HTRA1: variants seen among roughly 807,000 people sequenced by gnomAD.
HTRA1 encodes serine protease HTRA1.
Under a neutral mutation model 49.7 loss-of-function variants are expected in HTRA1, and 26 were observed. That is an observed-to-expected ratio of 0.52 (90% CI 0.38 to 0.73). The LOEUF (loss-of-function observed/expected upper bound fraction) is 0.73. Among genes scored for constraint, HTRA1 ranks in the 30% least tolerant of loss-of-function variants. HTRA1 has a pLI of 0.00. For missense variants in HTRA1, 561 were observed against 667.2 expected (o/e 0.84, Z 1.75); for synonymous variants, 291 against 286.9 (o/e 1.01, Z -0.14).
At chr10:122,511,096 C>T (rs1379144672) in intron 7 of HTRA1, among the ~76,000 whole-genome samples, 1 of 152,110 alleles carries the variant, frequency 6.6e-6, no homozygotes, top group Non-Finnish European at 1.5e-5. Flanking sequence ...TCAGTTTCCT[C>T]CTCTTCAGGA....
intron 3 of HTRA1, among the ~76,000 whole-genome samples, chr10:122,503,368 CTGA>C (rs1387570258): frequency 2.0e-5 from 3 of 152,252 alleles, no homozygotes; most frequent in Non-Finnish European, 4.4e-5. Context: ...AGGCTCACGG[CTGA>C]GAACAGGCCC....
intron 7 of HTRA1, among the ~76,000 whole-genome samples, chr10:122,511,097 C>T (rs1042959033): frequency 2.6e-5 from 4 of 152,162 alleles, no homozygotes; most frequent in African/African-American, 7.2e-5. Context: ...CAGTTTCCTC[C>T]TCTTCAGGAT....
intron 3 of HTRA1, among the ~76,000 whole-genome samples, chr10:122,501,857 G>T (rs2097500990): frequency 6.6e-6 from 1 of 151,908 alleles, no homozygotes; most frequent in Non-Finnish European, 1.5e-5. Context: ...TGGATGGAGG[G>T]AAGGAAGGAG....
At chr10:122,486,488 G>A (rs572696594) in intron 1 of HTRA1, among the ~76,000 whole-genome samples, 35 of 152,266 alleles carry the variant, frequency 2.3e-4, no homozygotes, top group African/African-American at 7.5e-4. Flanking sequence ...GACAGAAAAC[G>A]GCCCTTTGTT....
chr10:122,505,652 T>C (rs1317023195), intron 3 of HTRA1, among the ~76,000 whole-genome samples: 1 of 152,210 alleles, frequency 6.6e-6, no homozygotes. Flanking sequence ...ACTGGTCCCC[T>C]GGCTCTTTCT....
rs1349156934 is a variant in HTRA1 at position 122,514,688 on chromosome 10, G to A, written c.*329G>A. 8 of 364,868 alleles carry A rather than the reference G, an allele frequency of 2.2e-5. No homozygotes were observed. The highest frequency in any genetic ancestry group is 7.7e-5 in the Admixed American group (2 of 25,940). 22.6% of individuals were successfully genotyped at this position (364,868 alleles called of 1,614,324 possible). A position where few individuals can be genotyped will look rare whatever the true frequency, so the allele number is the denominator to read the frequency against. On this transcript the variant is annotated 3_prime_UTR_variant, in exon 9 of 9. Transcript: ENST00000368984. ...TCATCTTAGTCCAACTAATGCAGTC[G>A]ATACAATGCGTAGATAGAAGAAGCC...
At chr10:122,508,373 G>A (rs1341562968) in intron 5 of HTRA1, among the ~76,000 whole-genome samples, 2 of 152,256 alleles carry the variant, frequency 1.3e-5, no homozygotes, top group Admixed American at 1.3e-4. Flanking sequence ...TTGTGAAACA[G>A]GAGCAAATCA....
intron 1 of HTRA1, among the ~76,000 whole-genome samples, chr10:122,488,331 G>T (rs1228868536): frequency 1.3e-5 from 2 of 152,128 alleles, no homozygotes; most frequent in African/African-American, 4.8e-5. Context: ...ACTTTGGGAG[G>T]CCGAGGCAGG....
chr10:122,508,937 A>G (rs1271718202), intron 6 of HTRA1, among the ~76,000 whole-genome samples, 167 bp downstream of exon 6: 1 of 152,230 alleles, frequency 6.6e-6, no homozygotes, highest in Non-Finnish European at 1.5e-5. Context: ...GCAGAAGGTC[A>G]CAGACATTTC....
At chr10:122,467,980 T>C (rs2133908924) in intron 1 of HTRA1, among the ~76,000 whole-genome samples, 1 of 152,294 alleles carries the variant, frequency 6.6e-6, no homozygotes, top group South Asian at 2.1e-4. Flanking sequence ...CGAAGAGGCA[T>C]GTCCATCACT....
rs571664120 is a variant in HTRA1 at position 122,490,146 on chromosome 10, T to C, written c.777+520T>C. Among the ~76,000 whole-genome samples, 6 of 152,356 alleles carry C rather than the reference T, an allele frequency of 3.9e-5. No homozygotes were observed. The highest frequency in any genetic ancestry group is 6.5e-5 in the Admixed American group (1 of 15,304). On this transcript the variant is annotated intron_variant, in intron 3 of 8. Transcript: ENST00000368984. The surrounding 1 kb of genome is among the most constrained non-coding windows in gnomAD (Gnocchi z 4.2). ...AGAATGTTTCGTACTTTAAACATCTTGGAAAACTTGAATTAAAACAGAGCT... is the reference window on the plus strand; with the variant it reads ...AGAATGTTTCGTACTTTAAACATCTCGGAAAACTTGAATTAAAACAGAGCT...
rs546236726 is a variant in HTRA1, at chr10:122,494,065, C to G, written c.777+4439C>G. On this transcript the variant is annotated intron_variant, in intron 3 of 8. Coordinates refer to ENST00000368984, the MANE Select transcript of HTRA1 (RefSeq NM_002775.5). The surrounding 1 kb of genome is among the most constrained non-coding windows in gnomAD (Gnocchi z 4.0). ...GCTGTGTGAGGTAGCGCCCCATGCC[C>G]CAGTCCCCTCAACTCCACTGCCTCA... Among the ~76,000 whole-genome samples the G allele has an allele frequency of 3.3e-5, 5 of 152,168 alleles. No homozygotes were observed. The highest frequency in any genetic ancestry group is 1.2e-4 in the African/African-American group (5 of 41,424).
chr10:122,473,221 G>A (rs1301760614), intron 1 of HTRA1, among the ~76,000 whole-genome samples: 1 of 152,208 alleles, frequency 6.6e-6, no homozygotes, highest in African/African-American at 2.4e-5. Flanking sequence ...TCACCTGGGA[G>A]GGGCTTGGGT....
chr10:122,462,049 C>A lies in HTRA1; in HGVS notation c.397C>A (p.Arg133Ser). ...ANTYANLCQL[R>S]AASRRSERLH... The stretch of plus-strand genomic sequence containing the variant: ...CACCTACGCCAACCTGTGCCAGCTG[C>A]GCGCCGCCAGCCGCCGCTCCGAGAG... Residue 133 changes from arginine (R) to serine (S), a missense_variant, in exon 1 of 9, where the codon CGC (arginine) becomes AGC (serine). By Grantham distance (110) the Arg-to-Ser change is moderately radical. This residue lies in a region of HTRA1 where 271 missense variants were observed against 410.0 expected (regional missense o/e 0.66). Coordinates refer to ENST00000368984, the MANE Select transcript of HTRA1 (RefSeq NM_002775.5). 3 of 1,533,536 alleles carry A rather than the reference C, an allele frequency of 2.0e-6. No individual in the cohort carries two copies. The South Asian group carries it at 3.6e-5, about 18-fold the overall frequency. 95.0% of individuals were successfully genotyped at this position (1,533,536 alleles called of 1,614,324 possible).
chr10:122,493,206 A>T (rs895608882), intron 3 of HTRA1, among the ~76,000 whole-genome samples: 2 of 152,132 alleles, frequency 1.3e-5, no homozygotes, highest in Admixed American at 1.3e-4. Flanking sequence ...TCCAAGCAGG[A>T]GGTGAGAAGG....
At chr10:122,479,851 A>G (rs1272556280) in intron 1 of HTRA1, among the ~76,000 whole-genome samples, 3 of 152,076 alleles carry the variant, frequency 2.0e-5, no homozygotes, top group Admixed American at 1.3e-4. Flanking sequence ...ATTATCAGTT[A>G]GGGGGAGACA....
chr10:122,493,135 C>T (rs1027153814), intron 3 of HTRA1, among the ~76,000 whole-genome samples: 1 of 152,176 alleles, frequency 6.6e-6, no homozygotes, highest in Non-Finnish European at 1.5e-5. Flanking sequence ...TCTTGGGACC[C>T]GGAAGAGCTT....
intron 3 of HTRA1, among the ~76,000 whole-genome samples, chr10:122,505,595 T>C (rs1387197541): frequency 6.6e-6 from 1 of 152,114 alleles, no homozygotes; most frequent in Non-Finnish European, 1.5e-5. Flanking sequence ...CCATCCCTGG[T>C]GGAGGAGATG....
chr10:122,513,443 A>T, intron 8 of HTRA1, among the ~76,000 whole-genome samples: 1 of 152,030 alleles, frequency 6.6e-6, no homozygotes, highest in Non-Finnish European at 1.5e-5. Flanking sequence ...GGGGTCATAA[A>T]GCCACACAAG....
Sources: gnomAD v4.1 joint callset for allele counts (sites outside exome capture counted in the v4.1 genomes callset) on GRCh38, gnomAD v4.1.1 for gene constraint, gnomAD v4.1.1 regional missense constraint, Gnocchi (gnomAD v3.1) non-coding constraint, MANE v1.5 for transcripts, NCBI Gene and HGNC (gene_info 2026-07-23, HGNC 2026-07-21) for gene names.